The following KDM4C variants were observed in gnomAD, a reference collection of about 807,000 sequenced individuals.
KDM4C encodes the protein lysine demethylase 4C.
In KDM4C, 81 loss-of-function variants were observed where a neutral mutation model predicts 129.3. The ratio of observed to expected loss-of-function variants is 0.63; its 90% CI spans 0.52 to 0.75. The LOEUF is 0.75. KDM4C is among the 30% of genes least tolerant of loss of function. The pLI, the probability that KDM4C is intolerant of heterozygous loss-of-function variation, is 0.00. For synonymous variants in KDM4C, 573 were observed against 456.1 expected (o/e 1.26, Z -3.26); for missense variants, 1,457 against 1,304.0 (o/e 1.12, Z -1.81).
rs189758248 is a variant in KDM4C, at chr9:6,890,866, A to G, written c.784-2229A>G. ...GACCAGGAAAGGAGAGAGTTGGGCT[A>G]TGTTCTCACGTGGCTCAGATAATGG... On this transcript the variant is annotated intron_variant, in intron 7 of 21. Coordinates refer to ENST00000381309, the MANE Select transcript of KDM4C (RefSeq NM_015061.6). 1.9e-3 allele frequency among the ~76,000 whole-genome samples: 282 copies of G among 152,310 alleles called. 2 individuals carry two copies. The highest frequency in any genetic ancestry group is 6.4e-3 in the African/African-American group (267 of 41,572).
rs1278551592 is a variant in KDM4C, at chr9:6,947,731, T to C, written c.922-33194T>C. ...CTAATCTATTTGTCATTTTCTAATA[T>C]GGCTGTGCTTTAGAATCATCTAGGG... On this transcript the variant is annotated intron_variant, in intron 8 of 21. Transcript: ENST00000381309. Among the ~76,000 whole-genome samples the C allele has an allele frequency of 2.6e-5, 4 of 152,262 alleles. No homozygotes were observed. The East Asian group carries it at 7.7e-4, about 29-fold the overall frequency.
intron 18 of KDM4C, among the ~76,000 whole-genome samples, chr9:7,119,324 A>T (rs1839253097): frequency 6.6e-6 from 1 of 152,204 alleles, no homozygotes; most frequent in Admixed American, 6.5e-5. Flanking sequence ...TTTAATAATT[A>T]TGAAGAAAAA....
intron 8 of KDM4C, among the ~76,000 whole-genome samples, chr9:6,911,822 G>T (rs1819369006): frequency 6.6e-6 from 1 of 152,226 alleles, no homozygotes; most frequent in South Asian, 2.1e-4. Context: ...GAGGAGGCTG[G>T]TGCTGGGGCT....
At chr9:6,984,448 G>C (rs1013958525) in intron 10 of KDM4C, 44 bp downstream of exon 10, 1 of 1,280,012 alleles carries the variant, frequency 7.8e-7, no homozygotes, top group African/African-American at 1.5e-5. Context: ...GTAGTAGGTG[G>C]TTGATGATCA....
chr9:6,796,326 T>TC (rs1369333381), intron 2 of KDM4C, among the ~76,000 whole-genome samples: 2 of 152,132 alleles, frequency 1.3e-5, no homozygotes, highest in African/African-American at 4.8e-5. Context: ...GCGCCTGTAG[T>TC]CCCAGCTAAT....
chr9:6,950,134 A>C (rs10975928), intron 8 of KDM4C, among the ~76,000 whole-genome samples: 43,859 of 141,766 alleles, frequency 0.31, 7,546 homozygotes, highest in East Asian at 0.59. Flanking sequence ...AATGGTATGT[A>C]TTTACAGCAT....
At position 7,111,921 on chromosome 9, in the gene KDM4C, C is replaced by G. The variant is rs1005554850; in HGVS notation, c.2610+8051C>G. ...CGAGGTGAGGGACAGGAAGGATTAT[C>G]CTTTCTAGAGGAGATGGGTCATGGT... On this transcript the variant is annotated intron_variant, in intron 18 of 21. Coordinates refer to ENST00000381309, the MANE Select transcript of KDM4C (RefSeq NM_015061.6). Among the ~76,000 whole-genome samples, 5 of 152,186 alleles carry G rather than the reference C, an allele frequency of 3.3e-5. No homozygotes were observed. In the East Asian group the frequency reaches 7.7e-4, roughly 24 times the overall value.
intron 18 of KDM4C, among the ~76,000 whole-genome samples, chr9:7,121,507 A>G (rs10114306): frequency 0.042 from 6,323 of 152,306 alleles, 402 homozygotes; most frequent in African/African-American, 0.14. Context: ...AGGGTGGGAA[A>G]TAAACTTCAG....
intron 8 of KDM4C, among the ~76,000 whole-genome samples, chr9:6,910,701 TC>T (rs1819141697): frequency 6.6e-6 from 1 of 152,196 alleles, no homozygotes; most frequent in African/African-American, 2.4e-5. Context: ...TGACCCTGCA[TC>T]CACACCTGGG....
At chr9:6,986,001 C>A (rs890395440) in intron 10 of KDM4C, among the ~76,000 whole-genome samples, 1 of 152,226 alleles carries the variant, frequency 6.6e-6, no homozygotes, top group African/African-American at 2.4e-5. Flanking sequence ...CCTCATCATG[C>A]TTTCTCTTAC....
intron 1 of KDM4C, among the ~76,000 whole-genome samples, chr9:6,784,821 G>T (rs1387199690): frequency 6.6e-6 from 1 of 152,208 alleles, no homozygotes; most frequent in African/African-American, 2.4e-5. Flanking sequence ...CCCAGGCCTG[G>T]GGGGCCCTTT....
intron 8 of KDM4C, among the ~76,000 whole-genome samples, chr9:6,976,484 C>T (rs1832939736): frequency 6.6e-6 from 1 of 152,056 alleles, no homozygotes; most frequent in African/African-American, 2.4e-5. Context: ...AACATATAAA[C>T]TGTTGGGTTC....
upstream of KDM4C, among the ~76,000 whole-genome samples, chr9:6,755,036 G>A (rs1818195219): frequency 6.6e-6 from 1 of 152,000 alleles, no homozygotes; most frequent in Non-Finnish European, 1.5e-5. Context: ...TCAGGAGTTT[G>A]AGACCCGCCT....
At chr9:6,957,289 A>G (rs562377283) in intron 8 of KDM4C, among the ~76,000 whole-genome samples, 102 of 152,176 alleles carry the variant, frequency 6.7e-4, no homozygotes, top group South Asian at 3.7e-3. Context: ...GTCCTTTTCT[A>G]TGTTTCATTA....
chr9:6,810,878 A>T (rs1188849065), intron 3 of KDM4C, among the ~76,000 whole-genome samples: 2 of 146,154 alleles, frequency 1.4e-5, no homozygotes, highest in Non-Finnish European at 2.9e-5. Flanking sequence ...TCTCCAAAAA[A>T]ATAAATAAAT....
At chr9:7,031,827 CT>C (rs1275492867) in intron 15 of KDM4C, among the ~76,000 whole-genome samples, 1 of 152,152 alleles carries the variant, frequency 6.6e-6, no homozygotes, top group African/African-American at 2.4e-5. Context: ...AGTCATTTGT[CT>C]GCATAAATCA....
At chr9:6,728,622 G>A (rs920432417) in intron 1 of KDM4C, among the ~76,000 whole-genome samples, 3 of 151,896 alleles carry the variant, frequency 2.0e-5, no homozygotes, top group Non-Finnish European at 2.9e-5. Context: ...AGAGGCGGGC[G>A]GATCACGAGG....
At chr9:6,843,937 A>G (rs112815812) in intron 4 of KDM4C, among the ~76,000 whole-genome samples, 1 of 151,706 alleles carries the variant, frequency 6.6e-6, no homozygotes, top group Non-Finnish European at 1.5e-5. Flanking sequence ...TGCAACCTCA[A>G]CTCCCTCCTC....
intron 1 of KDM4C, among the ~76,000 whole-genome samples, chr9:6,768,231 T>C (rs567891547): frequency 2.0e-5 from 3 of 152,234 alleles, no homozygotes; most frequent in African/African-American, 7.2e-5. Context: ...GTCTTCTCAT[T>C]AGGGCTCTTT....
Sources: gnomAD v4.1 joint callset for allele counts (sites outside exome capture counted in the v4.1 genomes callset) on GRCh38, gnomAD v4.1.1 for gene constraint, MANE v1.5 for transcripts, NCBI Gene and HGNC (gene_info 2026-07-23, HGNC 2026-07-21) for gene names.